EEF2K: variants seen among roughly 807,000 people sequenced by gnomAD.
The protein encoded by EEF2K is alternative protein EEF2K.
A neutral mutation model predicts 93.8 loss-of-function variants in EEF2K; 70 were observed. The observed-to-expected ratio is 0.75, with a 90% CI of 0.62 to 0.91. EEF2K has a LOEUF of 0.91. Among genes scored for constraint, EEF2K ranks in the 40% least tolerant of loss-of-function variants. The probability of loss-of-function intolerance (pLI) is 0.00; values close to 1 mark genes in which losing one functional copy is unlikely to be tolerated. For synonymous variants in EEF2K, 376 were observed against 380.8 expected (o/e 0.99, Z 0.15); for missense variants, 935 against 972.9 (o/e 0.96, Z 0.52).
chr16:22,221,084 A>T (rs985986502), intron 1 of EEF2K, among the ~76,000 whole-genome samples: 3 of 152,242 alleles, frequency 2.0e-5, no homozygotes, highest in African/African-American at 7.2e-5. Flanking sequence ...CAAACTCAGT[A>T]GTTCACGTTG....
At chr16:22,251,441 T>C in intron 6 of EEF2K, 119 bp downstream of exon 6, 43 of 1,101,320 alleles carry the variant, frequency 3.9e-5, no homozygotes, top group Non-Finnish European at 4.5e-5. Flanking sequence ...TGAGATGAAG[T>C]CTTGCTCTGT....
intron 1 of EEF2K, among the ~76,000 whole-genome samples, chr16:22,219,798 G>A (rs912076596): frequency 6.6e-6 from 1 of 152,186 alleles, no homozygotes; most frequent in East Asian, 1.9e-4. Context: ...TTGTTATGCT[G>A]TCCCATGGTA....
chr16:22,280,089 G>A, intron 16 of EEF2K, 109 bp from the exon 17 acceptor site: 1 of 1,131,790 alleles, frequency 8.8e-7, no homozygotes, highest in Non-Finnish European at 1.2e-6. Context: ...TGAACCATAG[G>A]TGGTGGCCCT....
At chr16:22,283,715 A>T (rs959672232) in intron 17 of EEF2K, among the ~76,000 whole-genome samples, 172 bp from the exon 18 acceptor site, 1 of 152,154 alleles carries the variant, frequency 6.6e-6, no homozygotes, top group African/African-American at 2.4e-5. Context: ...ATTTTATCAC[A>T]GGCCCACCTT....
intron 6 of EEF2K, among the ~76,000 whole-genome samples, chr16:22,254,829 A>C (rs1320303535): frequency 6.6e-6 from 1 of 152,044 alleles, no homozygotes; most frequent in African/African-American, 2.4e-5. Flanking sequence ...CACTTTGGAA[A>C]GCCCGGGGTG....
At chr16:22,260,173 A>G (rs2047448043) in intron 10 of EEF2K, among the ~76,000 whole-genome samples, 1 of 152,220 alleles carries the variant, frequency 6.6e-6, no homozygotes, top group African/African-American at 2.4e-5. Flanking sequence ...ATATGCTAAT[A>G]AACACATTAC....
chr16:22,266,137 G>A (rs750028456), intron 13 of EEF2K, among the ~76,000 whole-genome samples: 1 of 151,960 alleles, frequency 6.6e-6, no homozygotes. Context: ...CAGAAGAATC[G>A]CTTGAACCTG....
At chr16:22,242,715 C>A (rs2047236317) in intron 2 of EEF2K, among the ~76,000 whole-genome samples, 1 of 152,116 alleles carries the variant, frequency 6.6e-6, no homozygotes, top group Admixed American at 6.6e-5. Flanking sequence ...GGAATGCCAG[C>A]AACCCTGAAA....
At chr16:22,212,948 T>C (rs2046928743) in intron 1 of EEF2K, among the ~76,000 whole-genome samples, 1 of 150,572 alleles carries the variant, frequency 6.6e-6, no homozygotes, top group African/African-American at 2.5e-5. Context: ...CACTCCAGCC[T>C]GGATGAGAGA....
chr16:22,258,564 G>T lies in EEF2K; in HGVS notation c.1100G>T (p.Gly367Val). Residue 367 changes from glycine (G) to valine (V), a missense_variant, in exon 10 of 18, where the codon GGG becomes GTG. Gly to Val is a moderately radical substitution (Grantham distance 109). Coordinates refer to ENST00000263026, the MANE Select transcript of EEF2K (RefSeq NM_013302.5). ...CGSPQVRTLS[G>V]SRPPLLRPLS... ...AGCCCCCAAGTAAGGACCCTCTCTG[G>T]GAGCCGGCCACCCCTGCTCCGTCCC... The T allele has an allele frequency of 6.2e-7, 1 of 1,614,100 alleles. No individual in the cohort carries two copies. The highest frequency in any genetic ancestry group is 8.5e-7 in the Non-Finnish European group (1 of 1,180,032).
At chr16:22,276,152 C>G (rs2047632701) in intron 16 of EEF2K, among the ~76,000 whole-genome samples, 1 of 151,784 alleles carries the variant, frequency 6.6e-6, no homozygotes, top group African/African-American at 2.4e-5. Context: ...TGCTATGATG[C>G]CCAGGCTGGT....
At position 22,260,649 on chromosome 16, in the gene EEF2K, G is replaced by A. The variant is rs762315031; in HGVS notation, c.1299+120G>A. 4.4e-4 allele frequency: 547 copies of A among 1,249,406 alleles called. 1 individual carries two copies. Among genetic ancestry groups the A allele is most frequent in the Non-Finnish European group, 5.7e-4 (497 of 867,548 alleles). 77.4% of individuals were successfully genotyped at this position (1,249,406 alleles called of 1,614,324 possible). A position where few individuals can be genotyped will look rare whatever the true frequency, so the allele number is the denominator to read the frequency against. The stretch of plus-strand genomic sequence containing the variant: ...CAGCCTAGCCCAGGCACTGCCAGGA[G>A]GGCACAGAATGGGGGAATTAGGGAG... On this transcript the variant is annotated intron_variant, in intron 11 of 17. Transcript: ENST00000263026.
intron 1 of EEF2K, among the ~76,000 whole-genome samples, chr16:22,212,771 A>C (rs1417828326): frequency 6.6e-6 from 1 of 152,070 alleles, no homozygotes; most frequent in African/African-American, 2.4e-5. Flanking sequence ...TGGCTGGAGG[A>C]TCACTTGAGT....
chr16:22,231,700 C>T (rs1489872205), intron 2 of EEF2K, among the ~76,000 whole-genome samples: 2 of 151,894 alleles, frequency 1.3e-5, no homozygotes, highest in East Asian at 3.9e-4. Context: ...CCTCAAAACT[C>T]ATCACTTCTG....
At chr16:22,250,746 A>G in intron 5 of EEF2K, 55 bp downstream of exon 5, 1 of 1,610,480 alleles carries the variant, frequency 6.2e-7, no homozygotes, top group Non-Finnish European at 8.5e-7. Flanking sequence ...CCAGGCTCCT[A>G]AGAGCTGAGG....
chr16:22,269,312 C>T (rs139419099), intron 15 of EEF2K, among the ~76,000 whole-genome samples: 66 of 152,242 alleles, frequency 4.3e-4, no homozygotes, highest in African/African-American at 1.5e-3. Context: ...ATCTTTCCCT[C>T]GTGTCCCTAT....
chr16:22,235,638 C>A (rs555188859), intron 2 of EEF2K, among the ~76,000 whole-genome samples: 1 of 152,074 alleles, frequency 6.6e-6, no homozygotes, highest in African/African-American at 2.4e-5. Context: ...GCTGGGATTA[C>A]AGGCATGCAC....
intron 11 of EEF2K, 140 bp from the exon 12 acceptor site, chr16:22,262,970 C>A (rs1449639874): frequency 9.3e-6 from 6 of 644,128 alleles, no homozygotes; most frequent in South Asian, 1.9e-5. Flanking sequence ...AGCCACCACA[C>A]CCGGCAAGGG....
chr16:22,246,379 G>A (rs2047291418), intron 3 of EEF2K, among the ~76,000 whole-genome samples: 2 of 151,796 alleles, frequency 1.3e-5, no homozygotes, highest in Admixed American at 1.3e-4. Flanking sequence ...GCCGGGTGTG[G>A]TGGTAGGCGC....
Sources: gnomAD v4.1 joint callset for allele counts (sites outside exome capture counted in the v4.1 genomes callset) on GRCh38, gnomAD v4.1.1 for gene constraint, MANE v1.5 for transcripts, NCBI Gene and HGNC (gene_info 2026-07-23, HGNC 2026-07-21) for gene names.